Variants in CSNK1D observed in about 807,000 individuals in gnomAD.
CSNK1D encodes casein kinase 1 delta, also known as casein kinase I isoform delta.
In CSNK1D, 16 loss-of-function variants were observed where a neutral mutation model predicts 46.6. The ratio of observed to expected loss-of-function variants is 0.34; its 90% CI spans 0.23 to 0.52. The LOEUF is 0.52. CSNK1D is among the 20% of genes least tolerant of loss of function. CSNK1D has a pLI of 0.95. For missense variants in CSNK1D, 398 were observed against 578.4 expected (o/e 0.69, Z 3.20); for synonymous variants, 276 against 228.2 (o/e 1.21, Z -1.89).
downstream of CSNK1D, chr17:82,242,576 A>G: frequency 2.2e-6 from 2 of 905,448 alleles, no homozygotes; most frequent in Non-Finnish European, 2.6e-6. Context: ...ACAAACAGCC[A>G]TCTCAAAGAA....
At position 82,244,686 on chromosome 17, in the gene CSNK1D, G is replaced by A. The variant is rs531614835; in HGVS notation, c.*95C>T. ...GGAGAGCTCCCGGTGTTAACATTTC[G>A]ATCCTAGACCGGGGGACGTGTCACT... On this transcript the variant is annotated 3_prime_UTR_variant, in exon 9 of 9. Coordinates refer to ENST00000314028, the MANE Select transcript of CSNK1D (RefSeq NM_001893.6). 10 of 1,600,064 alleles carry A rather than the reference G, an allele frequency of 6.2e-6. No individual in the cohort carries two copies. Among genetic ancestry groups the A allele is most frequent in the Middle Eastern group, 1.7e-4 (1 of 6,056 alleles).
chr17:82,244,415 T>A lies in CSNK1D; in HGVS notation c.*366A>T. ...TTTTTAGCAAAATGATACAAAACTG[T>A]CTTAACCAAGTAGAAGATTGGTAGT... On this transcript the variant is annotated 3_prime_UTR_variant, in exon 9 of 9. Transcript: ENST00000314028. 2 of 1,222,662 alleles carry A rather than the reference T, an allele frequency of 1.6e-6. No individual in the cohort carries two copies. Among genetic ancestry groups the A allele is most frequent in the Non-Finnish European group, 2.1e-6 (2 of 968,694 alleles). 75.7% of individuals were successfully genotyped at this position (1,222,662 alleles called of 1,614,324 possible).
At chr17:82,253,526 A>G (rs935748299) in intron 3 of CSNK1D, 2 of 447,818 alleles carry the variant, frequency 4.5e-6, no homozygotes, top group South Asian at 3.9e-5. Context: ...GCCACTAGAC[A>G]TCGGTCTCTC....
chr17:82,270,261 A>G (rs1487826215), intron 1 of CSNK1D, among the ~76,000 whole-genome samples: 1 of 152,182 alleles, frequency 6.6e-6, no homozygotes, highest in Non-Finnish European at 1.5e-5. Context: ...CCCGCCCTCC[A>G]ACTGTCACAG....
chr17:82,260,042 T>G (rs897142506), intron 2 of CSNK1D, among the ~76,000 whole-genome samples: 1 of 134,564 alleles, frequency 7.4e-6, no homozygotes, highest in Non-Finnish European at 1.5e-5. Flanking sequence ...CTGACTGATG[T>G]GACTGATGGT....
intron 2 of CSNK1D, among the ~76,000 whole-genome samples, chr17:82,257,316 T>A (rs1023643868): frequency 2.6e-5 from 4 of 152,164 alleles, no homozygotes; most frequent in Non-Finnish European, 5.9e-5. Context: ...TCTTCTGGAG[T>A]TTCTTGATGA....
In CSNK1D at chr17:82,264,779, T is replaced by C. The variant is rs553962836; in HGVS notation, c.187+907A>G. On this transcript the variant is annotated intron_variant, in intron 2 of 8. Transcript: ENST00000314028. ...CACACGACACCACGGGGAGCATGCA[T>C]TGAAATTCACACAAAATCTTTTTTT... 9.2e-5 allele frequency among the ~76,000 whole-genome samples: 14 copies of C among 151,704 alleles called. No individual in the cohort carries two copies. In the East Asian group the frequency reaches 1.2e-3, roughly 13 times the overall value.
chr17:82,239,825 G>A (rs1326429055), downstream of CSNK1D: 8 of 416,738 alleles, frequency 1.9e-5, no homozygotes, highest in East Asian at 1.8e-4. Context: ...TGTGCGTGGT[G>A]TGGTCAGTGC....
chr17:82,247,151 A>G lies in CSNK1D; in HGVS notation c.1197+1724T>C, dbSNP rs2050871418. The G allele has an allele frequency of 1.0e-5, 10 of 985,298 alleles. 1 individual carries two copies. In the South Asian group the frequency reaches 3.8e-4, roughly 37 times the overall value. The allele number at this position is 985,298 out of a possible 1,614,324, so 61.0% of individuals were successfully genotyped here. A position where few individuals can be genotyped will look rare whatever the true frequency, so the allele number is the denominator to read the frequency against. ...TTCTTTTGGAGAGAACACACCCCCAAACCAGCTCTCTCTGGAGACTCCTCC... is the reference window on the plus strand; with the variant it reads ...TTCTTTTGGAGAGAACACACCCCCAGACCAGCTCTCTCTGGAGACTCCTCC... On this transcript the variant is annotated intron_variant, in intron 8 of 8. Transcript: ENST00000314028.
intron 2 of CSNK1D, among the ~76,000 whole-genome samples, chr17:82,256,510 C>CA (rs766836720): frequency 0.16 from 12,416 of 79,412 alleles, 963 homozygotes; most frequent in African/African-American, 0.33. Flanking sequence ...AAGACCCTGT[C>CA]AAAAAAAAAA....
At chr17:82,242,286 G>A (rs899436611), downstream of CSNK1D, among the ~76,000 whole-genome samples, 2 of 152,208 alleles carry the variant, frequency 1.3e-5, no homozygotes, top group African/African-American at 4.8e-5. Flanking sequence ...GGCTTCAACA[G>A]CTCAAGCGAC....
intron 3 of CSNK1D, chr17:82,254,233 G>C (rs193232066): frequency 0.028 from 7,553 of 268,638 alleles, 228 homozygotes; most frequent in Non-Finnish European, 0.035. Flanking sequence ...GGAGCCTCGA[G>C]AAGCCAGTGC....
chr17:82,256,985 G>A (rs1386813624), intron 2 of CSNK1D, among the ~76,000 whole-genome samples: 1 of 152,084 alleles, frequency 6.6e-6, no homozygotes, highest in African/African-American at 2.4e-5. Flanking sequence ...GTTTTGAGAC[G>A]AGGTCTCGCT....
In CSNK1D at chr17:82,243,940, A is replaced by C. The variant is rs1198827389; in HGVS notation, c.*841T>G. ...TCAAAGCCTCTGCTTCCAAGCTCTC[A>C]GCTGCCTGCCCACCTCCTGGGGAAG... On this transcript the variant is annotated 3_prime_UTR_variant, in exon 9 of 9. Transcript: ENST00000314028. 1 of 985,756 alleles carries C rather than the reference A, an allele frequency of 1.0e-6. No individual in the cohort carries two copies. The highest frequency in any genetic ancestry group is 1.1e-4 in the East Asian group (1 of 8,832). The allele number at this position is 985,756 out of a possible 1,614,324, so 61.1% of individuals were successfully genotyped here.
intron 1 of CSNK1D, 128 bp from the exon 2 acceptor site, chr17:82,265,924 A>G (rs561720380): frequency 1.2e-6 from 1 of 811,510 alleles, no homozygotes. Flanking sequence ...TCTCCTTCCT[A>G]GCATAGTAAG....
At position 82,244,128 on chromosome 17, in the gene CSNK1D, C is replaced by T. The variant is rs1481798877; in HGVS notation, c.*653G>A. On this transcript the variant is annotated 3_prime_UTR_variant, in exon 9 of 9. Transcript: ENST00000314028. ...CCAAAATCAGGTTGAAGAGGTCCCACCACACACGGGCACACACACACACCA... is the reference window on the plus strand; with the variant it reads ...CCAAAATCAGGTTGAAGAGGTCCCATCACACACGGGCACACACACACACCA... 1.3e-5 allele frequency: 13 copies of T among 993,638 alleles called. No homozygotes were observed. Among genetic ancestry groups the T allele is most frequent in the Non-Finnish European group, 1.4e-5 (12 of 834,416 alleles). 61.6% of individuals were successfully genotyped at this position (993,638 alleles called of 1,614,324 possible).
intron 2 of CSNK1D, chr17:82,261,162 A>G (rs2051330168): frequency 6.5e-6 from 1 of 154,894 alleles, no homozygotes; most frequent in Admixed American, 6.5e-5. Flanking sequence ...TAAAAGCAAC[A>G]TGCTCTTGCC....
intron 8 of CSNK1D, chr17:82,247,847 C>G: frequency 1.0e-6 from 1 of 985,404 alleles, no homozygotes; most frequent in Non-Finnish European, 1.2e-6. Context: ...AGAAGTTATA[C>G]AAAAAGGTCT....
chr17:82,255,675 C>A lies in CSNK1D; in HGVS notation c.188-98G>T, dbSNP rs925033422. 9 of 1,475,430 alleles carry A rather than the reference C, an allele frequency of 6.1e-6. No individual in the cohort carries two copies. The East Asian group carries it at 2.0e-4, about 33-fold the overall frequency. The allele number at this position is 1,475,430 out of a possible 1,614,324, so 91.4% of individuals were successfully genotyped here. A position where few individuals can be genotyped will look rare whatever the true frequency, so the allele number is the denominator to read the frequency against. On this transcript the variant is annotated intron_variant, in intron 2 of 8. Transcript: ENST00000314028. The surrounding 1 kb of genome is among the most constrained non-coding windows in gnomAD (Gnocchi z 5.9). ...ACACCAAGGGGTCATGGTGACAATC[C>A]TGAACGGGGGAGGGGTGGTGGAGGT... is the stretch of plus-strand genomic sequence containing the variant.
Sources: gnomAD v4.1 joint callset for allele counts (sites outside exome capture counted in the v4.1 genomes callset) on GRCh38, gnomAD v4.1.1 for gene constraint, Gnocchi (gnomAD v3.1) non-coding constraint, MANE v1.5 for transcripts, NCBI Gene and HGNC (gene_info 2026-07-23, HGNC 2026-07-21) for gene names.